ZFYVE28: variants seen among roughly 807,000 people sequenced by gnomAD.
ZFYVE28 encodes lateral signaling target protein 2 homolog.
Under a neutral mutation model 82.1 loss-of-function variants are expected in ZFYVE28, and 40 were observed. The observed-to-expected ratio is 0.49, with a 90% confidence interval of 0.38 to 0.63. The LOEUF is 0.63. ZFYVE28 is among the 30% of genes least tolerant of loss of function. The probability of loss-of-function intolerance (pLI) is 0.00; values close to 1 mark genes in which losing one functional copy is unlikely to be tolerated. For synonymous variants in ZFYVE28, 612 were observed against 546.1 expected (o/e 1.12, Z -1.68); for missense variants, 1,321 against 1,242.1 (o/e 1.06, Z -0.96).
chr4:2,316,197 A>G (rs1237794613), intron 7 of ZFYVE28: 6 of 149,650 alleles, frequency 4.0e-5, no homozygotes, highest in Non-Finnish European at 7.4e-5. Context: ...TTCTTTCTTT[A>G]GAGATGGAGT....
At chr4:2,382,749 G>A (rs1223732584) in intron 1 of ZFYVE28, among the ~76,000 whole-genome samples, 1 of 152,174 alleles carries the variant, frequency 6.6e-6, no homozygotes, top group African/African-American at 2.4e-5. Flanking sequence ...TTGGGGGACT[G>A]TATTAGTCCA....
intron 8 of ZFYVE28, among the ~76,000 whole-genome samples, chr4:2,280,408 T>C (rs1236696646): frequency 6.6e-6 from 1 of 152,112 alleles, no homozygotes; most frequent in Non-Finnish European, 1.5e-5. Context: ...CTCTGGAAGC[T>C]GAGGTGGGAG....
Position 2,347,915 on chromosome 4 carries a change from G to A in ZFYVE28, c.180+6018C>T, listed in dbSNP as rs990484697. The stretch of plus-strand genomic sequence containing the variant: ...TAAAAATAAAAAAAGAAACTAGAGA[G>A]AGAAGAGTAAATGAAACCCAAAGCA... On this transcript the variant is annotated intron_variant, in intron 2 of 12. Coordinates refer to ENST00000290974, the MANE Select transcript of ZFYVE28 (RefSeq NM_020972.3). Among the ~76,000 whole-genome samples, 11 of 152,148 alleles carry A rather than the reference G, an allele frequency of 7.2e-5. No individual in the cohort carries two copies. In the South Asian group the frequency reaches 1.2e-3, roughly 17 times the overall value.
chr4:2,314,717 C>T (rs1182858797), intron 7 of ZFYVE28, among the ~76,000 whole-genome samples: 1 of 152,198 alleles, frequency 6.6e-6, no homozygotes, highest in African/African-American at 2.4e-5. Context: ...ACTCCACAGA[C>T]ACTATAATTA....
intron 1 of ZFYVE28, among the ~76,000 whole-genome samples, chr4:2,374,203 A>T (rs570185847): frequency 1.1e-4 from 17 of 152,326 alleles, no homozygotes; most frequent in African/African-American, 4.1e-4. Flanking sequence ...CCAGAGTGCA[A>T]GTACACGGAA....
In ZFYVE28 at chr4:2,418,200, G is replaced by A. The variant is rs1733333321; in HGVS notation, c.39+85C>T. 3 of 1,341,706 alleles carry A rather than the reference G, an allele frequency of 2.2e-6. No individual in the cohort carries two copies. The highest frequency in any genetic ancestry group is 1.5e-5 in the African/African-American group (1 of 66,000). The allele number at this position is 1,341,706 out of a possible 1,614,324, so 83.1% of individuals were successfully genotyped here. ...GGCCGGCCACGGACAGGGAAAGGGA[G>A]TCCGTCTTGTAGGGCGGACGGGCGG... On this transcript the variant is annotated intron_variant, in intron 1 of 12. Coordinates refer to ENST00000290974, the MANE Select transcript of ZFYVE28 (RefSeq NM_020972.3). This position sits in a 1 kb window ranked among gnomAD's most constrained non-coding sequence, Gnocchi z 4.6.
At chr4:2,310,730 G>C (rs1486941598) in intron 7 of ZFYVE28, among the ~76,000 whole-genome samples, 4 of 152,162 alleles carry the variant, frequency 2.6e-5, no homozygotes, top group Admixed American at 6.6e-5. Context: ...CTTGAGCCTG[G>C]GAGGCAGAGA....
intron 8 of ZFYVE28, among the ~76,000 whole-genome samples, chr4:2,298,261 C>T (rs1003140519): frequency 5.3e-5 from 8 of 151,780 alleles, no homozygotes; most frequent in South Asian, 2.1e-4. Flanking sequence ...AGTGACACAG[C>T]GGGCTGTGCT....
At chr4:2,286,992 G>A (rs749553304) in intron 8 of ZFYVE28, 13 of 152,254 alleles carry the variant, frequency 8.5e-5, no homozygotes, top group Non-Finnish European at 1.8e-4. Context: ...CAGACACAGC[G>A]AGGGGCCAAG....
rs1423493443 is a variant in ZFYVE28, at chr4:2,270,744, C to A, written c.2645G>T (p.Ser882Ile). 1 of 1,613,106 alleles carries A rather than the reference C, an allele frequency of 6.2e-7. No homozygotes were observed. The highest frequency in any genetic ancestry group is 1.3e-5 in the African/African-American group (1 of 74,940). ...ACCACGTCACAGGCCGGCCTTGTCG[C>A]TGTAGAAGGGCGTGACATGGAACAT... Reference protein sequence around the residue: ...CYMFHVTPFYSDKAGL With the variant: ...CYMFHVTPFYIDKAGL Residue 882 changes from serine to isoleucine, a missense_variant, in exon 13 of 13, where the codon AGC becomes ATC. This residue lies in a region of ZFYVE28 where 978 missense variants were observed against 833.7 expected (regional missense o/e 1.17). Coordinates refer to ENST00000290974, the MANE Select transcript of ZFYVE28 (RefSeq NM_020972.3).
At chr4:2,271,059 C>T in intron 12 of ZFYVE28, 1 of 789,750 alleles carries the variant, frequency 1.3e-6, no homozygotes, top group South Asian at 1.8e-5. Flanking sequence ...GCTGCAGGCT[C>T]CTGTTCACAC....
At chr4:2,354,951 GGC>G (rs1361296288) in intron 1 of ZFYVE28, among the ~76,000 whole-genome samples, 3 of 151,476 alleles carry the variant, frequency 2.0e-5, no homozygotes, top group African/African-American at 7.3e-5. Context: ...AGTGCACTGT[GGC>G]AGGAAACTCT....
At chr4:2,330,905 A>G in intron 6 of ZFYVE28, 1 of 1,534,670 alleles carries the variant, frequency 6.5e-7, no homozygotes, top group Non-Finnish European at 8.7e-7. Context: ...GAGCTCCGGC[A>G]AGGGTCTGAG....
intron 8 of ZFYVE28, among the ~76,000 whole-genome samples, chr4:2,274,715 G>T (rs1736240768): frequency 6.6e-6 from 1 of 152,184 alleles, no homozygotes; most frequent in South Asian, 2.1e-4. Context: ...AGATTGCCCT[G>T]AATGATCCGG....
At chr4:2,342,256 G>A (rs1048253358) in intron 2 of ZFYVE28, among the ~76,000 whole-genome samples, 2 of 152,196 alleles carry the variant, frequency 1.3e-5, no homozygotes, top group African/African-American at 4.8e-5. Flanking sequence ...AAGTCAGTCT[G>A]CACTGGAAGG....
chr4:2,298,954 C>T (rs575932466), intron 8 of ZFYVE28, among the ~76,000 whole-genome samples: 3 of 152,204 alleles, frequency 2.0e-5, no homozygotes, highest in African/African-American at 7.2e-5. Context: ...TCCCCGGCCC[C>T]ACCACAGAGG....
intron 1 of ZFYVE28, among the ~76,000 whole-genome samples, chr4:2,401,813 TCGGGGGTCCCAGTGGTAG>T (rs925624378): frequency 6.6e-6 from 1 of 152,072 alleles, no homozygotes; most frequent in African/African-American, 2.4e-5. Context: ...AGCAAAACCC[TCGGGGGTCCCAGTGGTAG>T]CGGGGGTCCC....
Position 2,416,380 on chromosome 4 carries a change from C to G in ZFYVE28, c.39+1905G>C, listed in dbSNP as rs76354166. 0.021 allele frequency among the ~76,000 whole-genome samples: 3,129 copies of G among 152,324 alleles called. 85 individuals are homozygous for G. Among genetic ancestry groups the G allele is most frequent in the African/African-American group, 0.066 (2,726 of 41,564 alleles). ...ACAGCCACGTCCGGAGGGGCATCCC[C>G]TAGTGTCCCAGCAAGTGCCTTCAGC... On this transcript the variant is annotated intron_variant, in intron 1 of 12. Transcript: ENST00000290974. The surrounding 1 kb of genome is among the most constrained non-coding windows in gnomAD (Gnocchi z 4.6).
At chr4:2,360,558 C>T (rs142452394) in intron 1 of ZFYVE28, among the ~76,000 whole-genome samples, 1,847 of 152,232 alleles carry the variant, frequency 0.012, 34 homozygotes, top group African/African-American at 0.042. Context: ...CCAGCAGTGC[C>T]TGGGGCGGGA....
Sources: gnomAD v4.1 joint callset for allele counts (sites outside exome capture counted in the v4.1 genomes callset) on GRCh38, gnomAD v4.1.1 for gene constraint, gnomAD v4.1.1 regional missense constraint, Gnocchi (gnomAD v3.1) non-coding constraint, MANE v1.5 for transcripts, NCBI Gene and HGNC (gene_info 2026-07-23, HGNC 2026-07-21) for gene names.